PTPRM: variants seen among roughly 807,000 people sequenced by gnomAD.
PTPRM encodes protein tyrosine phosphatase receptor type M, also known as receptor-type tyrosine-protein phosphatase mu.
Under a neutral mutation model 186.7 loss-of-function variants are expected in PTPRM, and 47 were observed. That is an observed-to-expected ratio of 0.25 (90% CI 0.20 to 0.32). The LOEUF is 0.32. Among genes scored for constraint, PTPRM ranks in the 10% least tolerant of loss-of-function variants. PTPRM has a pLI of 1.00. For missense variants in PTPRM, 1,494 were observed against 1,865.0 expected (o/e 0.80, Z 3.66); for synonymous variants, 668 against 674.9 (o/e 0.99, Z 0.16).
At chr18:8,213,439 G>A (rs986713635) in intron 14 of PTPRM, among the ~76,000 whole-genome samples, 1 of 152,164 alleles carries the variant, frequency 6.6e-6, no homozygotes, top group Non-Finnish European at 1.5e-5. Context: ...CTTTTGAATG[G>A]GTGAAACTTT....
chr18:7,676,491 G>A (rs1028641921), intron 1 of PTPRM, among the ~76,000 whole-genome samples: 1 of 152,110 alleles, frequency 6.6e-6, no homozygotes, highest in African/African-American at 2.4e-5. Flanking sequence ...ATCAATAATA[G>A]TGATGTTTTT....
rs1238116431 is a variant in PTPRM at position 8,085,740 on chromosome 18, A to G, written c.1621A>G (p.Lys541Glu). The change falls in exon 10 of 33, where the codon AAG (lysine) becomes GAG (glutamate). Residue 541 changes from lysine to glutamate, a missense_variant. Around this residue, in one of 3 missense-constraint regions of PTPRM, gnomAD observed 1,107 missense variants for 1,350.2 expected, o/e 0.82. Transcript: ENST00000580170. ...ATCCAATCAGAGTGGAAGAGTTTCA[A>G]AGCTGGGAAATGAAACCCATTTTCT... ...DLSNQSGRVS[K>E]LGNETHFLFF... 6.2e-7 allele frequency: 1 copy of G among 1,612,096 alleles called. No individual in the cohort carries two copies. The highest frequency in any genetic ancestry group is 1.3e-5 in the African/African-American group (1 of 74,856).
At chr18:7,893,591 T>G (rs919578207) in intron 3 of PTPRM, among the ~76,000 whole-genome samples, 14 of 152,308 alleles carry the variant, frequency 9.2e-5, no homozygotes, top group African/African-American at 3.4e-4. Flanking sequence ...TGAACATCTG[T>G]AAAGAGTATA....
In PTPRM at chr18:8,069,616, C is replaced by A. The variant is rs2089332376; in HGVS notation, c.1133-70C>A. The A allele has an allele frequency of 8.9e-6, 12 of 1,350,648 alleles. No individual in the cohort carries two copies. The Admixed American group carries it at 1.3e-4, about 15-fold the overall frequency. 83.7% of individuals were successfully genotyped at this position (1,350,648 alleles called of 1,614,324 possible). ...TGGGGACAACTGGGAATATCTGTGA[C>A]CTTTGGGATTGACCTGAGCCTTTAT... On this transcript the variant is annotated intron_variant, in intron 7 of 32. Transcript: ENST00000580170.
chr18:7,761,653 A>G (rs1307248865), intron 1 of PTPRM, among the ~76,000 whole-genome samples: 1 of 152,008 alleles, frequency 6.6e-6, no homozygotes, highest in Non-Finnish European at 1.5e-5. Flanking sequence ...CTCTTACAGC[A>G]TTTTTCATAT....
chr18:8,398,906 G>A (rs181628587), intron 32 of PTPRM, among the ~76,000 whole-genome samples: 5 of 152,264 alleles, frequency 3.3e-5, no homozygotes, highest in African/African-American at 1.2e-4. Context: ...GGGGGAGGGA[G>A]ATGGGGGTGA....
intron 7 of PTPRM, among the ~76,000 whole-genome samples, chr18:8,059,043 G>A (rs1346757922): frequency 2.2e-5 from 3 of 137,688 alleles, no homozygotes; most frequent in African/African-American, 8.5e-5. Flanking sequence ...ATTACCTTGG[G>A]CAGTATGGCC....
intron 32 of PTPRM, among the ~76,000 whole-genome samples, chr18:8,397,574 C>T (rs534662483): frequency 3.3e-5 from 5 of 152,170 alleles, no homozygotes; most frequent in African/African-American, 7.2e-5. Context: ...TTTTTCAGCC[C>T]GCTTCTAAGT....
chr18:7,865,304 A>G (rs961151710), intron 2 of PTPRM, among the ~76,000 whole-genome samples: 1 of 148,442 alleles, frequency 6.7e-6, no homozygotes, highest in Non-Finnish European at 1.5e-5. Context: ...GCCCTTCAGT[A>G]TGATATTGGC....
chr18:8,034,618 G>T (rs1317355203), intron 7 of PTPRM, among the ~76,000 whole-genome samples: 2 of 152,190 alleles, frequency 1.3e-5, no homozygotes, highest in African/African-American at 4.8e-5. Context: ...ATATTTCAGA[G>T]CCTAAGAATA....
At chr18:8,138,525 C>G (rs1241900322) in intron 13 of PTPRM, among the ~76,000 whole-genome samples, 2 of 152,148 alleles carry the variant, frequency 1.3e-5, no homozygotes, top group Non-Finnish European at 2.9e-5. Context: ...TCTCACACCT[C>G]CGTTCTGGTC....
chr18:8,147,368 C>T (rs2146179347), intron 14 of PTPRM, among the ~76,000 whole-genome samples: 1 of 152,256 alleles, frequency 6.6e-6, no homozygotes, highest in Middle Eastern at 3.4e-3. Flanking sequence ...CTTCACATCC[C>T]TTGTAAATTG....
rs151063404 is a variant in PTPRM at position 7,963,306 on chromosome 18, C to T, written c.1132+7892C>T. ...TACCTAAACCTCAAGTTCTGCTGCC[C>T]TTAAACACGGATTCAGCACTTTCCC... On this transcript the variant is annotated intron_variant, in intron 7 of 32. Coordinates refer to ENST00000580170, the MANE Select transcript of PTPRM (RefSeq NM_001105244.2). Among the ~76,000 whole-genome samples, 336 of 152,274 alleles carry T rather than the reference C, an allele frequency of 2.2e-3. 1 individual carries two copies. The highest frequency in any genetic ancestry group is 7.9e-3 in the African/African-American group (328 of 41,564).
chr18:8,152,712 C>CTTTTTTTTTTTTTTTTTTTTTTTTTTT (rs35112154), intron 14 of PTPRM, among the ~76,000 whole-genome samples: 3 of 56,930 alleles, frequency 5.3e-5, no homozygotes, highest in African/African-American at 7.6e-5. Context: ...TGCCTCACCT[C>CTTTTTTTTTTTTTTTTTTTTTTTTTTT]TTTTTTTTTT....
intron 2 of PTPRM, among the ~76,000 whole-genome samples, chr18:7,870,451 G>T (rs2047926236): frequency 6.6e-6 from 1 of 151,884 alleles, no homozygotes; most frequent in African/African-American, 2.4e-5. Flanking sequence ...CATAATTTTT[G>T]TGCATATGGT....
intron 1 of PTPRM, among the ~76,000 whole-genome samples, chr18:7,762,444 A>T (rs1243508267): frequency 6.6e-6 from 1 of 152,184 alleles, no homozygotes; most frequent in Non-Finnish European, 1.5e-5. Flanking sequence ...CTAGAGTGTA[A>T]AACTAAAGGG....
chr18:7,753,126 A>G (rs769232061), intron 1 of PTPRM, among the ~76,000 whole-genome samples: 4 of 152,092 alleles, frequency 2.6e-5, no homozygotes, highest in Non-Finnish European at 5.9e-5. Flanking sequence ...ATTTGACTGA[A>G]CATGTTTGTT....
In PTPRM at chr18:8,240,831, AAAG is replaced by A. The variant is rs1317419323; in HGVS notation, c.2301-3224_2301-3222del. Among the ~76,000 whole-genome samples the A allele has an allele frequency of 1.8e-3, 193 of 110,266 alleles. 4 individuals are homozygous for A. The highest frequency in any genetic ancestry group is 7.4e-3 in the African/African-American group (177 of 24,004). The allele number at this position is 110,266 out of a possible 152,430, so 72.3% of individuals were successfully genotyped here. A position where few individuals can be genotyped will look rare whatever the true frequency, so the allele number is the denominator to read the frequency against. On this transcript the variant is annotated intron_variant, in intron 14 of 32. Coordinates refer to ENST00000580170, the MANE Select transcript of PTPRM (RefSeq NM_001105244.2). ...GAGAGAGAGAGAGAGAGAGAGAAAG[AAAG>A]AAAGAAAGAAAAGAAAGAAAGAAAG...
chr18:8,329,753 A>T (rs1239281456), intron 22 of PTPRM, among the ~76,000 whole-genome samples: 2 of 152,132 alleles, frequency 1.3e-5, no homozygotes, highest in Non-Finnish European at 2.9e-5. Flanking sequence ...CTAATTTGTG[A>T]TTTTAATGCA....
Sources: allele counts gnomAD v4.1 joint callset (sites outside exome capture counted in the v4.1 genomes callset), GRCh38; gene constraint gnomAD v4.1.1; regional missense constraint gnomAD v4.1.1; transcripts MANE v1.5; gene names NCBI Gene and HGNC (gene_info 2026-07-23, HGNC 2026-07-21).